Variants in PRKACB observed in about 807,000 individuals in gnomAD.
The protein encoded by PRKACB is protein kinase cAMP-activated catalytic subunit beta, also known as cAMP-dependent protein kinase catalytic subunit beta.
In PRKACB, 16 loss-of-function variants were observed where a neutral mutation model predicts 51.4. That is an observed-to-expected ratio of 0.31 (90% CI 0.21 to 0.47). The LOEUF is 0.47. PRKACB is among the 20% of genes least tolerant of loss of function. The probability of loss-of-function intolerance (pLI) is 1.00; values close to 1 mark genes in which losing one functional copy is unlikely to be tolerated. For missense variants in PRKACB, 309 were observed against 464.5 expected, an observed-to-expected ratio of 0.67 and a Z score of 3.08; for synonymous variants, 147 against 154.4, an observed-to-expected ratio of 0.95 and a Z score of 0.35.
chr1:84,152,965 C>T (rs573533816), intron 1 of PRKACB, among the ~76,000 whole-genome samples: 2 of 152,252 alleles, frequency 1.3e-5, no homozygotes, highest in South Asian at 4.1e-4. Flanking sequence ...TAAGCTTAAT[C>T]ATTTCTAGCT....
chr1:84,170,221 G>T (rs1359587722), intron 1 of PRKACB, among the ~76,000 whole-genome samples: 1 of 151,564 alleles, frequency 6.6e-6, no homozygotes, highest in Non-Finnish European at 1.5e-5. Flanking sequence ...ATGATAGGTT[G>T]TTTAATGCAT....
chr1:84,200,235 C>T (rs1669685730), intron 7 of PRKACB, among the ~76,000 whole-genome samples: 1 of 152,008 alleles, frequency 6.6e-6, no homozygotes, highest in African/African-American at 2.4e-5. Context: ...CTCTAATGAT[C>T]GGTGATATTG....
intron 1 of PRKACB, among the ~76,000 whole-genome samples, chr1:84,161,470 G>T (rs1209215612): frequency 6.6e-6 from 1 of 151,672 alleles, no homozygotes; most frequent in African/African-American, 2.4e-5. Context: ...TGTCACTATT[G>T]ATATGGTTGG....
chr1:84,209,784 C>G (rs1671865091), intron 8 of PRKACB, among the ~76,000 whole-genome samples: 1 of 152,174 alleles, frequency 6.6e-6, no homozygotes, highest in African/African-American at 2.4e-5. Flanking sequence ...AAATCTTCAT[C>G]TTATTTTGTT....
At chr1:84,199,116 C>CAT (rs199699646) in intron 7 of PRKACB, among the ~76,000 whole-genome samples, 24,482 of 100,052 alleles carry the variant, frequency 0.24, 2,450 homozygotes, top group Non-Finnish European at 0.3. Context: ...TATATATATG[C>CAT]ATATATATAT....
intron 5 of PRKACB, among the ~76,000 whole-genome samples, chr1:84,189,407 A>C (rs1666094048): frequency 1.3e-5 from 2 of 151,706 alleles, no homozygotes; most frequent in Non-Finnish European, 2.9e-5. Context: ...TCGTTTTTCT[A>C]GGCCTTTAAG....
chr1:84,110,267 T>G (rs1039349798), intron 1 of PRKACB, among the ~76,000 whole-genome samples: 1 of 151,874 alleles, frequency 6.6e-6, no homozygotes. Flanking sequence ...ACTATTTACA[T>G]AGCATTTACA....
intron 1 of PRKACB, among the ~76,000 whole-genome samples, chr1:84,101,809 TAATC>T (rs1649371202): frequency 6.6e-6 from 1 of 152,140 alleles, no homozygotes; most frequent in African/African-American, 2.4e-5. Flanking sequence ...AACAGGAATT[TAATC>T]TATCTAAATA....
chr1:84,179,342 G>C, intron 2 of PRKACB, 104 bp downstream of exon 2: 1 of 1,309,236 alleles, frequency 7.6e-7, no homozygotes, highest in Non-Finnish European at 1.0e-6. Flanking sequence ...TTTTCATGTG[G>C]TGTTAGTAAA....
At chr1:84,212,880 C>T (rs1672337209) in intron 8 of PRKACB, among the ~76,000 whole-genome samples, 1 of 152,108 alleles carries the variant, frequency 6.6e-6, no homozygotes, top group African/African-American at 2.4e-5. Flanking sequence ...TGGCACAATA[C>T]CTTCCCTCAG....
rs574234001 is a variant in PRKACB at position 84,172,565 on chromosome 1, A to G, written c.188-6612A>G. Among the ~76,000 whole-genome samples the G allele has an allele frequency of 1.2e-4, 18 of 151,926 alleles. 1 individual carries two copies. The South Asian group carries it at 3.7e-3, about 31-fold the overall frequency. ...GTGAATGAATACACTGTGTGAATTCATAGTGTATCCATCTATCCATGTAGA... is the reference window on the plus strand; with the variant it reads ...GTGAATGAATACACTGTGTGAATTCGTAGTGTATCCATCTATCCATGTAGA... On this transcript the variant is annotated intron_variant, in intron 1 of 9. Transcript: ENST00000370685.
intron 1 of PRKACB, among the ~76,000 whole-genome samples, chr1:84,112,253 T>TA (rs1054021977): frequency 4.2e-5 from 6 of 144,000 alleles, no homozygotes; most frequent in Non-Finnish European, 7.5e-5. Context: ...TTTTGTTTGA[T>TA]ACGGAATCTC....
At chr1:84,152,398 CCTTTGAAG>C (rs2100648485) in intron 1 of PRKACB, among the ~76,000 whole-genome samples, 1 of 152,288 alleles carries the variant, frequency 6.6e-6, no homozygotes, top group South Asian at 2.1e-4. Context: ...GTCAGCCTGT[CCTTTGAAG>C]CTTTGAAGCC....
At position 84,179,093 on chromosome 1, in the gene PRKACB, GA is replaced by G. The variant is rs1247652190; in HGVS notation, c.188-80del. On this transcript the variant is annotated intron_variant, in intron 1 of 9. Coordinates refer to ENST00000370685, the MANE Select transcript of PRKACB (RefSeq NM_182948.4). ...AGATGACATGTCTTTTTTTAAGTGA[GA>G]AAACCATATGCAATATAAATATTCT... The G allele has an allele frequency of 2.2e-6, 3 of 1,392,014 alleles. No individual in the cohort carries two copies. In the African/African-American group the frequency reaches 4.4e-5, roughly 20 times the overall value. The allele number at this position is 1,392,014 out of a possible 1,614,324, so 86.2% of individuals were successfully genotyped here. A position where few individuals can be genotyped will look rare whatever the true frequency, so the allele number is the denominator to read the frequency against.
intron 1 of PRKACB, among the ~76,000 whole-genome samples, chr1:84,115,152 A>G (rs538863474): frequency 6.6e-6 from 1 of 152,146 alleles, no homozygotes; most frequent in African/African-American, 2.4e-5. Flanking sequence ...CATTCTTACA[A>G]AAATGTATAA....
intron 1 of PRKACB, among the ~76,000 whole-genome samples, chr1:84,090,057 CAGA>C (rs1648329531): frequency 2.0e-5 from 3 of 152,208 alleles, no homozygotes; most frequent in African/African-American, 7.2e-5. Context: ...GAAAGCTGCA[CAGA>C]AGAACACTAG....
rs1650936027 is a variant in PRKACB at position 84,120,000 on chromosome 1, C to T, written c.46+41629C>T. On this transcript the variant is annotated intron_variant, in intron 1 of 8. Transcript: ENST00000370688. ...AAGTACCCCACCTCCATCTATAACA[C>T]AACTTTATGTCTCAGTAATAACCAG... is the stretch of plus-strand genomic sequence containing the variant. Among the ~76,000 whole-genome samples, 3 of 152,038 alleles carry T rather than the reference C, an allele frequency of 2.0e-5. No homozygotes were observed. The South Asian group carries it at 6.2e-4, about 31-fold the overall frequency.
intron 8 of PRKACB, among the ~76,000 whole-genome samples, chr1:84,204,155 G>T (rs894063811): frequency 1.3e-5 from 2 of 151,910 alleles, no homozygotes; most frequent in Admixed American, 6.6e-5. Context: ...CTATCTCATA[G>T]TACATATGCA....
intron 1 of PRKACB, among the ~76,000 whole-genome samples, chr1:84,127,069 T>TC (rs1481137377): frequency 6.6e-6 from 1 of 152,226 alleles, no homozygotes; most frequent in East Asian, 1.9e-4. Context: ...ATTCCCAGCT[T>TC]CATCTGCATG....
Sources: gnomAD v4.1 joint callset for allele counts (sites outside exome capture counted in the v4.1 genomes callset) on GRCh38, gnomAD v4.1.1 for gene constraint, MANE v1.5 for transcripts, NCBI Gene and HGNC (gene_info 2026-07-23, HGNC 2026-07-21) for gene names.